The following TEK variants were observed in gnomAD, a reference collection of about 807,000 sequenced individuals.
TEK encodes the protein angiopoietin-1 receptor.
TEK carries 43 observed loss-of-function variants against 131.8 expected under a neutral mutation model. The ratio of observed to expected loss-of-function variants is 0.33; its 90% CI spans 0.26 to 0.42. The LOEUF is 0.42. Ranked by LOEUF, TEK falls within the 10% of genes least tolerant of loss-of-function variation. The pLI, the probability that TEK is intolerant of heterozygous loss-of-function variation, is 1.00. For synonymous variants in TEK, 580 were observed against 491.6 expected (o/e 1.18, Z -2.38); for missense variants, 1,162 against 1,384.4 (o/e 0.84, Z 2.55).
At chr9:27,117,873 TATC>T (rs1821630057) in intron 1 of TEK, among the ~76,000 whole-genome samples, 1 of 152,182 alleles carries the variant, frequency 6.6e-6, no homozygotes, top group African/African-American at 2.4e-5. Flanking sequence ...TAAAGGGTGA[TATC>T]ATGCTTCCTG....
rs116348172 is a variant in TEK, at chr9:27,118,962, C to A, written c.52+9320C>A. Reference sequence around the variant, plus strand: ...TAGTCTTTAGTACGAGAGAATGAGGCCAATAACAAAAGATGGACCAAGACA... The same window carrying A: ...TAGTCTTTAGTACGAGAGAATGAGGACAATAACAAAAGATGGACCAAGACA... On this transcript the variant is annotated intron_variant, in intron 1 of 22. Transcript: ENST00000380036. 9.6e-3 allele frequency among the ~76,000 whole-genome samples: 1,469 copies of A among 152,252 alleles called. 24 individuals are homozygous for A. The highest frequency in any genetic ancestry group is 0.034 in the African/African-American group (1,402 of 41,532).
At chr9:27,112,232 C>T (rs1426326706) in intron 1 of TEK, among the ~76,000 whole-genome samples, 1 of 152,114 alleles carries the variant, frequency 6.6e-6, no homozygotes, top group African/African-American at 2.4e-5. Flanking sequence ...CAACTGGATT[C>T]AGAGATAGCA....
intron 2 of TEK, among the ~76,000 whole-genome samples, chr9:27,158,811 C>T (rs1335376640): frequency 6.6e-6 from 1 of 152,018 alleles, no homozygotes; most frequent in African/African-American, 2.4e-5. Flanking sequence ...AGGCAAGCAC[C>T]ACCACACCCA....
chr9:27,143,248 A>G (rs1822794865), intron 1 of TEK, among the ~76,000 whole-genome samples: 1 of 152,200 alleles, frequency 6.6e-6, no homozygotes, highest in Non-Finnish European at 1.5e-5. Context: ...GTTGTCCCCA[A>G]GAACTGTGGC....
intron 1 of TEK, among the ~76,000 whole-genome samples, chr9:27,131,091 C>G (rs149110209): frequency 5.4e-4 from 82 of 152,274 alleles, no homozygotes; most frequent in African/African-American, 1.9e-3. Flanking sequence ...AGTGAAAAGG[C>G]TCAGTAATAC....
chr9:27,224,717 C>T (rs1233797248), intron 21 of TEK, among the ~76,000 whole-genome samples: 12 of 152,306 alleles, frequency 7.9e-5, no homozygotes, highest in African/African-American at 2.2e-4. Flanking sequence ...TGCCCTCTCT[C>T]GCCCCTCCTG....
At chr9:27,213,720 A>T (rs904215968) in intron 18 of TEK, 123 bp downstream of exon 18, 23 of 749,330 alleles carry the variant, frequency 3.1e-5, no homozygotes, top group Non-Finnish European at 7.2e-6. Flanking sequence ...GTCCCAGTAG[A>T]TACTGTGTGC....
chr9:27,164,354 C>T (rs562021218), intron 2 of TEK, among the ~76,000 whole-genome samples: 5 of 146,310 alleles, frequency 3.4e-5, no homozygotes, highest in Non-Finnish European at 7.4e-5. Context: ...GAGTCTCACT[C>T]TGTCACTGAG....
intron 1 of TEK, among the ~76,000 whole-genome samples, chr9:27,124,803 CAAAG>C (rs957223113): frequency 3.9e-5 from 6 of 152,090 alleles, no homozygotes; most frequent in Non-Finnish European, 5.9e-5. Flanking sequence ...TTAGAAAACA[CAAAG>C]AAAATTAGTG....
chr9:27,212,590 T>A (rs1825676171), intron 16 of TEK, 117 bp from the exon 17 acceptor site: 1 of 1,072,630 alleles, frequency 9.3e-7, no homozygotes, highest in African/African-American at 1.6e-5. Context: ...TGGGTGGTGT[T>A]GCTAGATGTG....
At chr9:27,218,696 G>A in intron 19 of TEK, 81 bp from the exon 20 acceptor site, 1 of 1,436,424 alleles carries the variant, frequency 7.0e-7, no homozygotes. Flanking sequence ...AGAAAGGGTG[G>A]GTCTCCCTGG....
In TEK at chr9:27,206,381, C is replaced by T. The variant is rs1361799590; in HGVS notation, c.2365-201C>T. Among the ~76,000 whole-genome samples the T allele has an allele frequency of 2.0e-5, 3 of 152,186 alleles. No homozygotes were observed. The East Asian group carries it at 5.8e-4, about 29-fold the overall frequency. ...AATCAACAGGCTTTTCTGGGGAGGC[C>T]CAGAATTGTGCCCGTGCAGCCCTGT... On this transcript the variant is annotated intron_variant, in intron 14 of 22. Transcript: ENST00000380036.
Position 27,157,909 on chromosome 9 carries a change from G to A in TEK, c.131G>A (p.Cys44Tyr). ...LVSDAETSLT[C>Y]IASGWRPHEP... ...TCTGATGCTGAAACATCTCTCACCTGCATTGCCTCTGGGTGGCGCCCCCAT... is the reference window on the plus strand; with the variant it reads ...TCTGATGCTGAAACATCTCTCACCTACATTGCCTCTGGGTGGCGCCCCCAT... The change falls in exon 2 of 23, where the codon TGC becomes TAC. Residue 44 changes from cysteine (C) to tyrosine (Y), a missense_variant. Physicochemically the swap from Cys to Tyr is radical, Grantham distance 194 (BLOSUM62 -2). Transcript: ENST00000380036. The A allele has an allele frequency of 6.2e-7, 1 of 1,613,996 alleles. No homozygotes were observed. The highest frequency in any genetic ancestry group is 8.5e-7 in the Non-Finnish European group (1 of 1,180,012).
chr9:27,175,358 G>C (rs1587552775), intron 6 of TEK, among the ~76,000 whole-genome samples: 1 of 149,942 alleles, frequency 6.7e-6, no homozygotes, highest in Middle Eastern at 3.4e-3. Flanking sequence ...TGGTGTATAT[G>C]TGCCACATTT....
intron 21 of TEK, among the ~76,000 whole-genome samples, chr9:27,223,830 A>G (rs1826190100): frequency 6.6e-6 from 1 of 152,224 alleles, no homozygotes; most frequent in Non-Finnish European, 1.5e-5. Flanking sequence ...TGAATCCAGG[A>G]GCTAGTTTTT....
rs1429711144 is a variant in TEK, at chr9:27,209,197, C to T, written c.2652C>T (p.Asn884=). Reference sequence around the variant, plus strand: ...TTTGTAAACTTGGACACCATCCAAACATCATCAATCTCTTAGGAGCATGTG... The same window carrying T: ...TTTGTAAACTTGGACACCATCCAAATATCATCAATCTCTTAGGAGCATGTG... ...EVLCKLGHHP[N]IINLLGACEH... Residue 884 remains asparagine (N), a synonymous_variant, in exon 16 of 23, where the codon AAC becomes AAT. Coordinates refer to ENST00000380036, the MANE Select transcript of TEK (RefSeq NM_000459.5). The T allele has an allele frequency of 6.2e-7, 1 of 1,613,916 alleles. No individual in the cohort carries two copies. Among genetic ancestry groups the T allele is most frequent in the Admixed American group, 1.7e-5 (1 of 60,026 alleles).
At chr9:27,141,204 T>G (rs2131085809) in intron 1 of TEK, among the ~76,000 whole-genome samples, 1 of 152,284 alleles carries the variant, frequency 6.6e-6, no homozygotes, top group East Asian at 1.9e-4. Flanking sequence ...TTTTTTACAC[T>G]TTCCTGTTTT....
intron 7 of TEK, among the ~76,000 whole-genome samples, chr9:27,182,783 C>T (rs1302491975): frequency 6.6e-6 from 1 of 151,648 alleles, no homozygotes; most frequent in East Asian, 1.9e-4. Context: ...GAAATCCTGA[C>T]ACCATTACCT....
chr9:27,181,651 A>G (rs1824379418), intron 7 of TEK, among the ~76,000 whole-genome samples: 1 of 152,278 alleles, frequency 6.6e-6, no homozygotes, highest in East Asian at 1.9e-4. Context: ...CCATTCATTT[A>G]TAGTATGTCG....
Sources: allele counts gnomAD v4.1 joint callset (sites outside exome capture counted in the v4.1 genomes callset), GRCh38; gene constraint gnomAD v4.1.1; transcripts MANE v1.5; gene names NCBI Gene and HGNC (gene_info 2026-07-23, HGNC 2026-07-21).